PTPRM: variants seen among roughly 807,000 people sequenced by gnomAD.
The protein encoded by PTPRM is receptor-type tyrosine-protein phosphatase mu.
PTPRM carries 47 observed loss-of-function variants against 186.7 expected under a neutral mutation model. That is an observed-to-expected ratio of 0.25 (90% confidence interval 0.20 to 0.32). The LOEUF (loss-of-function observed/expected upper bound fraction) is 0.32, where lower values mean the gene tolerates loss of function less well. Among genes scored for constraint, PTPRM ranks in the 10% least tolerant of loss-of-function variants. PTPRM has a pLI of 1.00. For synonymous variants in PTPRM, 668 were observed against 674.9 expected (o/e 0.99, Z 0.16); for missense variants, 1,494 against 1,865.0 (o/e 0.80, Z 3.66).
At chr18:7,687,887 C>T (rs2039641633) in intron 1 of PTPRM, among the ~76,000 whole-genome samples, 1 of 151,548 alleles carries the variant, frequency 6.6e-6, no homozygotes, top group Non-Finnish European at 1.5e-5. Context: ...AAGTGATTGT[C>T]CTGCTTCAGC....
chr18:8,182,091 A>G (rs2093584050), intron 14 of PTPRM, among the ~76,000 whole-genome samples: 1 of 152,190 alleles, frequency 6.6e-6, no homozygotes, highest in Non-Finnish European at 1.5e-5. Flanking sequence ...AAACTCCCTC[A>G]TAAACCCATC....
In PTPRM at chr18:8,267,063, TTGTAA is replaced by T. The variant is rs374357749; in HGVS notation, c.2754+13654_2754+13658del. Among the ~76,000 whole-genome samples the T allele has an allele frequency of 1.2e-4, 19 of 152,346 alleles. No homozygotes were observed. In the East Asian group the frequency reaches 3.7e-3, roughly 29 times the overall value. On this transcript the variant is annotated intron_variant, in intron 19 of 32. Transcript: ENST00000580170. ...GGAAACTATATGAGATACTGAATAA[TTGTAA>T]TGTATTCAGTGTTAATTATAAATAC...
intron 11 of PTPRM, among the ~76,000 whole-genome samples, chr18:8,093,671 GAA>G (rs770245186): frequency 9.3e-5 from 14 of 150,122 alleles, no homozygotes; most frequent in Non-Finnish European, 1.9e-4. Flanking sequence ...TAATAACTCA[GAA>G]AAAAAAATGG....
intron 14 of PTPRM, among the ~76,000 whole-genome samples, chr18:8,219,964 T>G (rs917772469): frequency 6.6e-6 from 1 of 152,162 alleles, no homozygotes; most frequent in African/African-American, 2.4e-5. Context: ...TTATTGTGCC[T>G]AAACTCCAAA....
chr18:7,845,430 C>T (rs112461839), intron 2 of PTPRM, among the ~76,000 whole-genome samples: 6 of 152,218 alleles, frequency 3.9e-5, no homozygotes, highest in African/African-American at 1.4e-4. Flanking sequence ...TTTTGTGAAG[C>T]AGTGTAACCA....
chr18:7,825,359 G>A (rs938859153), intron 2 of PTPRM, among the ~76,000 whole-genome samples: 1 of 152,122 alleles, frequency 6.6e-6, no homozygotes, highest in African/African-American at 2.4e-5. Context: ...TTAATAAATG[G>A]AATGGATAGG....
intron 5 of PTPRM, among the ~76,000 whole-genome samples, chr18:7,933,736 A>G (rs2051627814): frequency 6.6e-6 from 1 of 152,228 alleles, no homozygotes; most frequent in Non-Finnish European, 1.5e-5. Context: ...AAACAAGCAC[A>G]GAGGAAATCG....
intron 2 of PTPRM, among the ~76,000 whole-genome samples, chr18:7,841,281 CTTTTTTTTT>C (rs34688860): frequency 2.5e-3 from 175 of 70,198 alleles, no homozygotes; most frequent in Non-Finnish European, 4.2e-3. Context: ...CAAATCATTT[CTTTTTTTTT>C]TTTTTTTTTT....
chr18:7,937,438 C>T (rs1876619093), intron 5 of PTPRM, among the ~76,000 whole-genome samples: 1 of 152,210 alleles, frequency 6.6e-6, no homozygotes, highest in African/African-American at 2.4e-5. Context: ...GCCAGTGTGC[C>T]TGGCTGTGCT....
At chr18:8,354,018 C>T (rs1211891211) in intron 23 of PTPRM, among the ~76,000 whole-genome samples, 2 of 152,096 alleles carry the variant, frequency 1.3e-5, no homozygotes, top group Non-Finnish European at 2.9e-5. Context: ...TTGAGTCCAG[C>T]CTGGCCAACA....
At chr18:7,789,170 A>G (rs1013191703) in intron 2 of PTPRM, among the ~76,000 whole-genome samples, 1 of 152,132 alleles carries the variant, frequency 6.6e-6, no homozygotes, top group African/African-American at 2.4e-5. Flanking sequence ...AAATAAAAAT[A>G]CAAAATTAGT....
chr18:7,897,838 G>T (rs1442738986), intron 3 of PTPRM, among the ~76,000 whole-genome samples: 1 of 151,794 alleles, frequency 6.6e-6, no homozygotes, highest in Non-Finnish European at 1.5e-5. Context: ...ATGAGTATAT[G>T]ACCTATGATT....
chr18:8,095,463 G>C (rs904902946), intron 11 of PTPRM, among the ~76,000 whole-genome samples: 1 of 152,110 alleles, frequency 6.6e-6, no homozygotes, highest in Non-Finnish European at 1.5e-5. Context: ...TCAGAGAGAG[G>C]GGTGGGATGG....
intron 3 of PTPRM, among the ~76,000 whole-genome samples, chr18:7,891,372 T>A (rs1484744006): frequency 6.6e-6 from 1 of 151,994 alleles, no homozygotes; most frequent in Admixed American, 6.6e-5. Flanking sequence ...TTTGGCCATC[T>A]GTTATATTCT....
In PTPRM at chr18:7,668,211, G is replaced by C. The variant is rs1453342653; in HGVS notation, c.73+100320G>C. Reference sequence around the variant, plus strand: ...CATGGTGAGGAGCTGCACCACGGTGGTGCCCGCAGACGCTGCTTCGTGTCC... The same window carrying C: ...CATGGTGAGGAGCTGCACCACGGTGCTGCCCGCAGACGCTGCTTCGTGTCC... On this transcript the variant is annotated intron_variant, in intron 1 of 32. Coordinates refer to ENST00000580170, the MANE Select transcript of PTPRM (RefSeq NM_001105244.2). The surrounding 1 kb of genome is among the most constrained non-coding windows in gnomAD (Gnocchi z 4.7). Among the ~76,000 whole-genome samples the C allele has an allele frequency of 3.3e-5, 5 of 152,144 alleles. No homozygotes were observed. The highest frequency in any genetic ancestry group is 9.7e-5 in the African/African-American group (4 of 41,426).
intron 2 of PTPRM, among the ~76,000 whole-genome samples, chr18:7,777,830 C>T (rs1290871885): frequency 6.6e-6 from 1 of 152,118 alleles, no homozygotes; most frequent in Non-Finnish European, 1.5e-5. Context: ...ATCTTTGTCA[C>T]AGTCCTGTAA....
chr18:7,653,416 C>T lies in PTPRM; in HGVS notation c.73+85525C>T, dbSNP rs185060241. Among the ~76,000 whole-genome samples, 4 of 151,970 alleles carry T rather than the reference C, an allele frequency of 2.6e-5. No homozygotes were observed. The East Asian group carries it at 7.7e-4, about 29-fold the overall frequency. On this transcript the variant is annotated intron_variant, in intron 1 of 32. Transcript: ENST00000580170. ...TTTGTTGTACAGATTGTTTCATCAC[C>T]CATGTATTAAGCCTAGTACCCATTA...
At chr18:8,307,082 C>T (rs190087392) in intron 20 of PTPRM, among the ~76,000 whole-genome samples, 58 of 152,268 alleles carry the variant, frequency 3.8e-4, no homozygotes, top group African/African-American at 8.4e-4. Context: ...TGAGAGAGGA[C>T]GCGTAAGAAT....
intron 5 of PTPRM, among the ~76,000 whole-genome samples, 179 bp downstream of exon 5, chr18:7,926,862 T>C (rs2051201516): frequency 6.6e-6 from 1 of 152,212 alleles, no homozygotes; most frequent in African/African-American, 2.4e-5. Context: ...AAACACCTTT[T>C]GTGAATTTCT....
Sources: gnomAD v4.1 joint callset for allele counts (sites outside exome capture counted in the v4.1 genomes callset) on GRCh38, gnomAD v4.1.1 for gene constraint, Gnocchi (gnomAD v3.1) non-coding constraint, MANE v1.5 for transcripts, NCBI Gene and HGNC (gene_info 2026-07-23, HGNC 2026-07-21) for gene names.